The following MCTP1 variants were observed in gnomAD, a reference collection of about 807,000 sequenced individuals.
MCTP1 encodes multiple C2 and transmembrane domain containing 1.
MCTP1 carries 69 observed loss-of-function variants against 120.6 expected under a neutral mutation model. The observed-to-expected ratio is 0.57, with a 90% CI of 0.47 to 0.70. The LOEUF (loss-of-function observed/expected upper bound fraction) is 0.70, where lower values mean the gene tolerates loss of function less well. MCTP1 is among the 30% of genes least tolerant of loss of function. The pLI is 0.00. For missense variants in MCTP1, 1,203 were observed against 1,248.8 expected (o/e 0.96, Z 0.55); for synonymous variants, 529 against 493.1 (o/e 1.07, Z -0.96).
At chr5:95,075,409 T>C (rs1286626735) in intron 1 of MCTP1, among the ~76,000 whole-genome samples, 2 of 152,212 alleles carry the variant, frequency 1.3e-5, no homozygotes, top group Non-Finnish European at 2.9e-5. Flanking sequence ...TGTTTGGTTT[T>C]TAGTTAACCT....
chr5:94,870,279 C>T (rs1001370768), intron 16 of MCTP1, 138 bp downstream of exon 16: 13 of 583,344 alleles, frequency 2.2e-5, no homozygotes, highest in African/African-American at 3.8e-5. Context: ...TGAAAGAAAG[C>T]GCCATTTTCA....
intron 1 of MCTP1, among the ~76,000 whole-genome samples, chr5:95,095,342 C>G (rs1256274986): frequency 2.0e-5 from 3 of 152,130 alleles, no homozygotes. Context: ...ATTTTTATAA[C>G]AACTATTTCC....
At chr5:95,038,263 T>C (rs1294087950) in intron 1 of MCTP1, 1 of 300,564 alleles carries the variant, frequency 3.3e-6, no homozygotes, top group Non-Finnish European at 4.9e-6. Flanking sequence ...TTTATTTTCA[T>C]TGTTTACCAT....
intron 1 of MCTP1, among the ~76,000 whole-genome samples, chr5:95,226,104 C>A (rs150064411): frequency 7.2e-5 from 11 of 152,056 alleles, no homozygotes; most frequent in Non-Finnish European, 1.5e-4. Flanking sequence ...ACCACTGAAC[C>A]CAATTTGTAG....
intron 14 of MCTP1, 68 bp from the exon 15 acceptor site, chr5:94,871,041 T>G: frequency 7.8e-7 from 1 of 1,274,706 alleles, no homozygotes; most frequent in South Asian, 1.2e-5. Context: ...TCAGTGACCT[T>G]TGACCCCCAG....
At chr5:95,148,404 T>C (rs188813412) in intron 1 of MCTP1, among the ~76,000 whole-genome samples, 3 of 152,230 alleles carry the variant, frequency 2.0e-5, no homozygotes, top group African/African-American at 7.2e-5. Flanking sequence ...CTTTAAACAT[T>C]TTTTTCTTTA....
intron 1 of MCTP1, among the ~76,000 whole-genome samples, chr5:95,127,307 G>T (rs1758707823): frequency 6.6e-6 from 1 of 151,944 alleles, no homozygotes; most frequent in Non-Finnish European, 1.5e-5. Flanking sequence ...GGTATATATT[G>T]AATGACAAGC....
At chr5:94,752,904 C>A (rs1768835584) in intron 19 of MCTP1, among the ~76,000 whole-genome samples, 1 of 152,200 alleles carries the variant, frequency 6.6e-6, no homozygotes. Flanking sequence ...AATTCTAAGA[C>A]TAATCTGGGC....
At chr5:95,207,246 T>C (rs1222061599) in intron 1 of MCTP1, among the ~76,000 whole-genome samples, 1 of 152,172 alleles carries the variant, frequency 6.6e-6, no homozygotes, top group Non-Finnish European at 1.5e-5. Flanking sequence ...TGATCTTAAA[T>C]ATAGAACATC....
chr5:94,989,442 G>T (rs2153612561), intron 2 of MCTP1, among the ~76,000 whole-genome samples: 1 of 152,298 alleles, frequency 6.6e-6, no homozygotes, highest in Middle Eastern at 3.4e-3. Flanking sequence ...CACAGGAAGA[G>T]ACAAAATAAG....
intron 19 of MCTP1, among the ~76,000 whole-genome samples, chr5:94,748,779 C>T (rs999345004): frequency 2.6e-5 from 4 of 152,218 alleles, no homozygotes; most frequent in African/African-American, 9.6e-5. Flanking sequence ...TGTAGCACTA[C>T]ATTTCCAGCT....
chr5:94,716,838 TTAA>T (rs1206563726), intron 19 of MCTP1, among the ~76,000 whole-genome samples: 1 of 152,080 alleles, frequency 6.6e-6, no homozygotes, highest in Non-Finnish European at 1.5e-5. Flanking sequence ...CGGGGAGAAC[TTAA>T]TAATGTTTCT....
At chr5:94,797,326 C>T (rs192136363) in intron 18 of MCTP1, among the ~76,000 whole-genome samples, 37 of 152,046 alleles carry the variant, frequency 2.4e-4, no homozygotes, top group African/African-American at 8.0e-4. Flanking sequence ...ACTAAATTAC[C>T]AGTTTTTCCT....
At chr5:94,846,411 A>G (rs1360053264) in intron 17 of MCTP1, among the ~76,000 whole-genome samples, 1 of 152,152 alleles carries the variant, frequency 6.6e-6, no homozygotes, top group African/African-American at 2.4e-5. Flanking sequence ...CAAAAAAAAC[A>G]AGCACCACAT....
chr5:95,059,748 G>C (rs186735386), intron 1 of MCTP1, among the ~76,000 whole-genome samples: 11 of 152,288 alleles, frequency 7.2e-5, no homozygotes, highest in Admixed American at 1.3e-4. Flanking sequence ...AAAAGAAAAT[G>C]TGCAGGGTGG....
At chr5:95,000,924 GC>G (rs1321452475) in intron 2 of MCTP1, among the ~76,000 whole-genome samples, 1 of 152,208 alleles carries the variant, frequency 6.6e-6, no homozygotes, top group East Asian at 1.9e-4. Context: ...ATATTGTTTG[GC>G]TTTTTGTGTC....
intron 17 of MCTP1, chr5:94,826,344 G>A: frequency 1.8e-6 from 1 of 558,214 alleles, no homozygotes; most frequent in Non-Finnish European, 3.3e-6. Context: ...AGGTTCCACT[G>A]AGGATTTGAT....
At chr5:95,155,912 C>A (rs1247956820) in intron 1 of MCTP1, among the ~76,000 whole-genome samples, 3 of 152,198 alleles carry the variant, frequency 2.0e-5, no homozygotes. Flanking sequence ...ACATGATCTG[C>A]ACCCTGGAGA....
chr5:95,081,605 G>T, intron 1 of MCTP1: 5 of 1,405,406 alleles, frequency 3.6e-6, no homozygotes, highest in Non-Finnish European at 4.6e-6. Flanking sequence ...CAACAGCCCT[G>T]CACGGAGCAC....
Sources: gnomAD v4.1 joint callset for allele counts (sites outside exome capture counted in the v4.1 genomes callset) on GRCh38, gnomAD v4.1.1 for gene constraint, MANE v1.5 for transcripts, NCBI Gene and HGNC (gene_info 2026-07-23, HGNC 2026-07-21) for gene names.